COL6A5: variants seen among roughly 807,000 people sequenced by gnomAD.
COL6A5 encodes collagen alpha-5(VI) chain.
Under a neutral mutation model 65.6 loss-of-function variants are expected in COL6A5, and 48 were observed. That is an observed-to-expected ratio of 0.73 (90% CI 0.58 to 0.93). The LOEUF is 0.93. Ranked by LOEUF, COL6A5 falls within the 40% of genes least tolerant of loss-of-function variation. The pLI, the probability that COL6A5 is intolerant of heterozygous loss-of-function variation, is 0.00. For missense variants in COL6A5, 914 were observed against 928.3 expected, an observed-to-expected ratio of 0.98 and a Z score of 0.20; for synonymous variants, 291 against 322.8, an observed-to-expected ratio of 0.90 and a Z score of 1.05.
intron 1 of COL6A5, among the ~76,000 whole-genome samples, chr3:130,351,188 TAGACC>T (rs1934690845): frequency 2.0e-5 from 3 of 152,214 alleles, no homozygotes; most frequent in Admixed American, 2.0e-4. Flanking sequence ...ATTTAAATGT[TAGACC>T]TGAAACCATA....
At chr3:130,406,278 G>T in exon 17 of COL6A5, 1 of 1,550,698 alleles carries the variant, frequency 6.4e-7, no homozygotes. Context: ...GGCTGTCATG[G>T]ATTTCCTGGA....
chr3:130,455,760 T>A, intron 5 of COL6A5, 94 bp downstream of exon 37: 1 of 996,784 alleles, frequency 1.0e-6, no homozygotes, highest in Non-Finnish European at 1.5e-6. Flanking sequence ...AAGGCTGGTA[T>A]CTAAAGCAAC....
chr3:130,451,258 G>A (rs1392443313), intron 4 of COL6A5, among the ~76,000 whole-genome samples: 1 of 152,160 alleles, frequency 6.6e-6, no homozygotes, highest in Non-Finnish European at 1.5e-5. Flanking sequence ...TTGCACTGAA[G>A]TTTGAAGAGT....
intron 7 of COL6A5, among the ~76,000 whole-genome samples, chr3:130,479,344 A>C (rs1009728143): frequency 6.6e-6 from 1 of 152,110 alleles, no homozygotes; most frequent in African/African-American, 2.4e-5. Flanking sequence ...GTTGTTTATA[A>C]GCCACCCAGT....
At chr3:130,463,500 A>T (rs979219599) in intron 5 of COL6A5, among the ~76,000 whole-genome samples, 1 of 151,988 alleles carries the variant, frequency 6.6e-6, no homozygotes, top group Non-Finnish European at 1.5e-5. Flanking sequence ...ATGTTACTGG[A>T]GCACATTTGG....
At chr3:130,398,339 C>T (rs1235579719) in intron 10 of COL6A5, among the ~76,000 whole-genome samples, 1 of 152,098 alleles carries the variant, frequency 6.6e-6, no homozygotes, top group Non-Finnish European at 1.5e-5. Flanking sequence ...ACTGTGTTAG[C>T]TAGGGTGGTC....
At chr3:130,392,591 C>T (rs1289586652) in intron 7 of COL6A5, among the ~76,000 whole-genome samples, 2 of 152,110 alleles carry the variant, frequency 1.3e-5, no homozygotes, top group African/African-American at 4.8e-5. Flanking sequence ...TCACTTCCTT[C>T]CTCCCTCCTT....
At chr3:130,453,596 G>T (rs928444753) in intron 4 of COL6A5, among the ~76,000 whole-genome samples, 2 of 152,224 alleles carry the variant, frequency 1.3e-5, no homozygotes, top group South Asian at 4.1e-4. Flanking sequence ...CCTTGATATT[G>T]TATCCTAAAT....
At chr3:130,406,230 T>G (rs1936989801) in intron 16 of COL6A5, 38 bp from the exon 17 acceptor site, 1 of 1,549,818 alleles carries the variant, frequency 6.5e-7, no homozygotes, top group African/African-American at 1.4e-5. Context: ...CTAAAATTTT[T>G]TTTAAGTGGG....
In COL6A5 at chr3:130,421,142, T is replaced by G; in HGVS notation, c.4951-11T>G. The G allele has an allele frequency of 6.5e-7, 1 of 1,550,010 alleles. No individual in the cohort carries two copies. The highest frequency in any genetic ancestry group is 1.7e-4 in the Middle Eastern group (1 of 5,874). On this transcript the variant is annotated splice_polypyrimidine_tract_variant and intron_variant and NMD_transcript_variant, in intron 25 of 41. Coordinates refer to the COL6A5 transcript ENST00000312481. ...TTTGAGAAATTGAAAAAAACTGGTGTGTTTACACAGGGAGATTCTGGCATC... is the reference window on the plus strand; with the variant it reads ...TTTGAGAAATTGAAAAAAACTGGTGGGTTTACACAGGGAGATTCTGGCATC...
intron 7 of COL6A5, among the ~76,000 whole-genome samples, chr3:130,481,151 C>T (rs1214591252): frequency 6.6e-6 from 1 of 151,868 alleles, no homozygotes; most frequent in Non-Finnish European, 1.5e-5. Context: ...CACCCATCAA[C>T]CCGTCATCTA....
intron 10 of COL6A5, among the ~76,000 whole-genome samples, chr3:130,399,410 ACCC>A (rs1936729487): frequency 1.4e-5 from 2 of 141,754 alleles, no homozygotes; most frequent in African/African-American, 5.3e-5. Context: ...TCGCTCTGTC[ACCC>A]AGGCTGGAGC....
chr3:130,455,841 G>T (rs983326835), intron 5 of COL6A5, among the ~76,000 whole-genome samples, 175 bp downstream of exon 37: 5 of 152,132 alleles, frequency 3.3e-5, no homozygotes, highest in Admixed American at 3.3e-4. Context: ...ATGGTGACAG[G>T]CACTGCTAGG....
At chr3:130,445,532 G>A (rs1709284451) in intron 4 of COL6A5, among the ~76,000 whole-genome samples, 1 of 152,168 alleles carries the variant, frequency 6.6e-6, no homozygotes, top group Admixed American at 6.5e-5. Context: ...CGTTGATACT[G>A]AGAGAGTGGG....
At chr3:130,346,285 C>T (rs1349495098) in intron 1 of COL6A5, among the ~76,000 whole-genome samples, 1 of 152,132 alleles carries the variant, frequency 6.6e-6, no homozygotes, top group Non-Finnish European at 1.5e-5. Context: ...GAACCAGAAT[C>T]TCTGGGAATG....
chr3:130,463,636 T>C (rs1200021549), intron 5 of COL6A5, among the ~76,000 whole-genome samples: 5 of 152,074 alleles, frequency 3.3e-5, no homozygotes, highest in Admixed American at 1.3e-4. Flanking sequence ...CCCCTTCCTC[T>C]GCCATTCTAA....
At chr3:130,465,663 CA>C (rs1192080235) in intron 5 of COL6A5, among the ~76,000 whole-genome samples, 1 of 152,010 alleles carries the variant, frequency 6.6e-6, no homozygotes, top group Non-Finnish European at 1.5e-5. Flanking sequence ...AAAAGTATTT[CA>C]CACTTAACAA....
At chr3:130,471,842 G>A in intron 7 of COL6A5, 3 of 1,532,646 alleles carry the variant, frequency 2.0e-6, no homozygotes, top group Non-Finnish European at 1.7e-6. Flanking sequence ...CTTTTCAACT[G>A]AGAAACTGGC....
intron 4 of COL6A5, among the ~76,000 whole-genome samples, chr3:130,450,957 A>G (rs1023607839): frequency 6.6e-6 from 1 of 152,090 alleles, no homozygotes; most frequent in African/African-American, 2.4e-5. Flanking sequence ...GCCTCCTCTG[A>G]CCACCAGGTA....
Sources: allele counts gnomAD v4.1 joint callset (sites outside exome capture counted in the v4.1 genomes callset), GRCh38; gene constraint gnomAD v4.1.1; transcripts MANE v1.5; gene names NCBI Gene and HGNC (gene_info 2026-07-23, HGNC 2026-07-21).